Variants in ARHGAP6 observed in about 807,000 individuals in gnomAD.
ARHGAP6 encodes Rho GTPase activating protein 6.
A neutral mutation model predicts 55.7 loss-of-function variants in ARHGAP6; 16 were observed. That is an observed-to-expected ratio of 0.29 (90% CI 0.19 to 0.44). The LOEUF (loss-of-function observed/expected upper bound fraction) is 0.44, where lower values mean the gene tolerates loss of function less well. ARHGAP6 is among the 20% of genes least tolerant of loss of function. The pLI, the probability that ARHGAP6 is intolerant of heterozygous loss-of-function variation, is 1.00. For synonymous variants in ARHGAP6, 382 were observed against 360.9 expected (o/e 1.06, Z -0.66); for missense variants, 698 against 808.9 (o/e 0.86, Z 1.66).
intron 1 of ARHGAP6, among the ~76,000 whole-genome samples, chrX:11,572,638 G>A (rs192819493): frequency 4.9e-4 from 55 of 111,539 alleles, no homozygotes; most frequent in African/African-American, 1.4e-3. Flanking sequence ...GAACAGTGCC[G>A]CAATAAACAT....
chrX:11,421,380 C>A (rs967142580), intron 1 of ARHGAP6, among the ~76,000 whole-genome samples: 1 of 111,765 alleles, frequency 8.9e-6, no homozygotes, highest in Non-Finnish European at 1.9e-5. Flanking sequence ...CATGTCAGGT[C>A]TCTACTTAAT....
intron 1 of ARHGAP6, among the ~76,000 whole-genome samples, chrX:11,572,272 T>C (rs1166876784): frequency 9.1e-6 from 1 of 110,330 alleles, no homozygotes; most frequent in Non-Finnish European, 1.9e-5. Context: ...TGTGCCACGC[T>C]GGTGTGCCGT....
chrX:11,491,983 C>CATGTGT (rs1466912470), intron 1 of ARHGAP6, among the ~76,000 whole-genome samples: 1 of 108,892 alleles, frequency 9.2e-6, no homozygotes, highest in Admixed American at 9.9e-5. Context: ...AGCATTTTTT[C>CATGTGT]ATGTGTTTTT....
At chrX:11,140,580 T>C (rs1182933541) in intron 12 of ARHGAP6, among the ~76,000 whole-genome samples, 1 of 110,444 alleles carries the variant, frequency 9.1e-6, no homozygotes, top group Non-Finnish European at 1.9e-5. Context: ...CCACTGGATA[T>C]GTGGAGCCTA....
intron 2 of ARHGAP6, among the ~76,000 whole-genome samples, 158 bp downstream of exon 2, chrX:11,254,390 G>A (rs1463379393): frequency 9.0e-6 from 1 of 111,534 alleles, no homozygotes; most frequent in Non-Finnish European, 1.9e-5. Flanking sequence ...TCTTGAACAT[G>A]TCCTTCAAAT....
At chrX:11,236,484 G>T (rs2047203192) in intron 2 of ARHGAP6, among the ~76,000 whole-genome samples, 1 of 111,454 alleles carries the variant, frequency 9.0e-6, no homozygotes, top group Admixed American at 9.5e-5. Context: ...GAGGAAATGT[G>T]GTGCCTATTT....
At chrX:11,295,589 C>A (rs781711988) in intron 1 of ARHGAP6, among the ~76,000 whole-genome samples, 11 of 111,148 alleles carry the variant, frequency 9.9e-5, no homozygotes, top group Admixed American at 1.9e-4. Context: ...GTTGATACAA[C>A]CAGAAGCCAG....
chrX:11,217,650 C>G (rs1176910295), intron 2 of ARHGAP6, among the ~76,000 whole-genome samples: 1 of 111,662 alleles, frequency 9.0e-6, no homozygotes, highest in African/African-American at 3.3e-5. Flanking sequence ...AATTTTCTCC[C>G]ATTCTGTAGG....
At chrX:11,170,233 G>T (rs982395940) in intron 8 of ARHGAP6, among the ~76,000 whole-genome samples, 4 of 111,807 alleles carry the variant, frequency 3.6e-5, no homozygotes, top group Non-Finnish European at 7.5e-5. Flanking sequence ...AACTCCAAAG[G>T]CCCCAGGGTC....
At chrX:11,350,920 C>G (rs767548970) in intron 1 of ARHGAP6, among the ~76,000 whole-genome samples, 10 of 111,101 alleles carry the variant, frequency 9.0e-5, no homozygotes, top group Non-Finnish European at 1.9e-4. Context: ...ACAAAAAAAC[C>G]TAAATGGTCT....
At chrX:11,208,440 G>A (rs1342526082) in intron 2 of ARHGAP6, among the ~76,000 whole-genome samples, 1 of 111,739 alleles carries the variant, frequency 8.9e-6, no homozygotes, top group African/African-American at 3.3e-5. Flanking sequence ...CCATCCGTAA[G>A]GATCTGCACA....
At chrX:11,431,150 T>C (rs2049937070) in intron 1 of ARHGAP6, among the ~76,000 whole-genome samples, 3 of 112,210 alleles carry the variant, frequency 2.7e-5, no homozygotes, top group South Asian at 3.7e-4. Context: ...TTCTTTTTTG[T>C]TTGTTTTTCT....
intron 1 of ARHGAP6, among the ~76,000 whole-genome samples, chrX:11,510,772 CTGACATT>C (rs915836533): frequency 8.9e-6 from 1 of 111,746 alleles, no homozygotes; most frequent in African/African-American, 3.3e-5. Context: ...ATTCAAGGAT[CTGACATT>C]TTTTAAGGGT....
At position 11,598,218 on chromosome X, in the gene ARHGAP6, T is replaced by C. The variant is rs182609647; in HGVS notation, c.588+66023A>G. 9.1e-4 allele frequency among the ~76,000 whole-genome samples: 102 copies of C among 111,861 alleles called. 1 individual carries two copies. In the Admixed American group the frequency reaches 9.6e-3, roughly 10 times the overall value. On this transcript the variant is annotated intron_variant, in intron 1 of 12. Transcript: ENST00000337414. ...TCAGCAATCAGTGGACCTGGTGCCC[T>C]TCACAGGGATGGAAACTCTGGAAGA... is the stretch of plus-strand genomic sequence containing the variant.
chrX:11,524,218 T>C (rs145210599), intron 1 of ARHGAP6, among the ~76,000 whole-genome samples: 1,743 of 111,820 alleles, frequency 0.016, 29 homozygotes, highest in African/African-American at 0.054. Context: ...CCACACTGTA[T>C]TTCCTAGCCT....
chrX:11,243,155 G>T (rs976165764), intron 2 of ARHGAP6, among the ~76,000 whole-genome samples: 1 of 111,852 alleles, frequency 8.9e-6, no homozygotes, highest in Non-Finnish European at 1.9e-5. Flanking sequence ...TCTATCACTT[G>T]TCTGCAATGG....
chrX:11,431,226 T>C lies in ARHGAP6; in HGVS notation c.589-176519A>G, dbSNP rs928457722. ...CCCCAGAGAGGACTTAAAAATAATCTGTATGAGTTACTCTACTAGCATCAC... is the reference window on the plus strand; with the variant it reads ...CCCCAGAGAGGACTTAAAAATAATCCGTATGAGTTACTCTACTAGCATCAC... On this transcript the variant is annotated intron_variant, in intron 1 of 12. Coordinates refer to ENST00000337414, the MANE Select transcript of ARHGAP6 (RefSeq NM_013427.3). Among the ~76,000 whole-genome samples the C allele has an allele frequency of 8.9e-5, 10 of 112,377 alleles. No individual in the cohort carries two copies. In the East Asian group the frequency reaches 2.2e-3, roughly 25 times the overall value.
chrX:11,378,105 G>A (rs2049223154), intron 1 of ARHGAP6, among the ~76,000 whole-genome samples: 1 of 112,075 alleles, frequency 8.9e-6, no homozygotes, highest in Admixed American at 9.4e-5. Flanking sequence ...AGAAAGAAGA[G>A]GAGGATGCTA....
At chrX:11,356,010 T>A (rs908792131) in intron 1 of ARHGAP6, among the ~76,000 whole-genome samples, 32 of 111,794 alleles carry the variant, frequency 2.9e-4, no homozygotes, top group African/African-American at 9.8e-4. Context: ...TGCCCTATGG[T>A]CTAATCCATT....
Sources: gnomAD v4.1 joint callset for allele counts (sites outside exome capture counted in the v4.1 genomes callset) on GRCh38, gnomAD v4.1.1 for gene constraint, MANE v1.5 for transcripts, NCBI Gene and HGNC (gene_info 2026-07-23, HGNC 2026-07-21) for gene names.